EML6: variants seen among roughly 807,000 people sequenced by gnomAD.
EML6 encodes echinoderm microtubule-associated protein-like 6.
In EML6, 154 loss-of-function variants were observed where a neutral mutation model predicts 240.1. The ratio of observed to expected loss-of-function variants is 0.64; its 90% CI spans 0.56 to 0.73. The LOEUF is 0.73. EML6 is among the 30% of genes least tolerant of loss of function. EML6 has a pLI of 0.00. For synonymous variants in EML6, 1,148 were observed against 899.0 expected (o/e 1.28, Z -4.95); for missense variants, 2,964 against 2,474.6 (o/e 1.20, Z -4.20).
intron 2 of EML6, among the ~76,000 whole-genome samples, chr2:54,793,077 C>G (rs1395361540): frequency 6.6e-6 from 1 of 151,976 alleles, no homozygotes; most frequent in Non-Finnish European, 1.5e-5. Context: ...AGACCAGTCT[C>G]GTCAACATCG....
chr2:54,829,151 A>T (rs571613538), intron 6 of EML6, among the ~76,000 whole-genome samples, 191 bp from the exon 7 acceptor site: 23 of 152,258 alleles, frequency 1.5e-4, no homozygotes, highest in African/African-American at 5.1e-4. Context: ...TATTATTATG[A>T]TTTTTTAAAT....
intron 31 of EML6, 131 bp downstream of exon 31, chr2:54,952,823 G>T (rs556925216): frequency 6.2e-6 from 4 of 641,970 alleles, no homozygotes; most frequent in South Asian, 5.5e-5. Context: ...TTGATTTTTT[G>T]AGTCCTGAGT....
rs1411610943 is a variant in EML6 at position 54,725,051 on chromosome 2, G to T, written c.-11G>T. Reference sequence around the variant, plus strand: ...CGCGGGGGGGCGGGGGGCGCGCGGGGTCGGCTTATCATGGCGGATCGGACG... The same window carrying T: ...CGCGGGGGGGCGGGGGGCGCGCGGGTTCGGCTTATCATGGCGGATCGGACG... On this transcript the variant is annotated 5_prime_UTR_variant, in exon 2 of 42. Transcript: ENST00000356458. The surrounding 1 kb of genome is among the most constrained non-coding windows in gnomAD (Gnocchi z 4.3). 6.6e-7 allele frequency: 1 copy of T among 1,503,968 alleles called. No individual in the cohort carries two copies. The highest frequency in any genetic ancestry group is 1.5e-5 in the African/African-American group (1 of 68,570). The allele number at this position is 1,503,968 out of a possible 1,614,324, so 93.2% of individuals were successfully genotyped here.
At chr2:54,911,656 C>T (rs1485850477) in intron 25 of EML6, among the ~76,000 whole-genome samples, 6 of 152,076 alleles carry the variant, frequency 3.9e-5, no homozygotes, top group South Asian at 2.1e-4. Flanking sequence ...AGGCTGGTCT[C>T]GAACTCCTAA....
intron 28 of EML6, among the ~76,000 whole-genome samples, chr2:54,932,724 GC>G (rs148463523): frequency 0.02 from 3,002 of 152,250 alleles, 103 homozygotes; most frequent in African/African-American, 0.066. Flanking sequence ...GAGGTATGGT[GC>G]CCAAATCCTG....
chr2:54,892,853 T>C (rs553508897), intron 19 of EML6, among the ~76,000 whole-genome samples, 197 bp downstream of exon 19: 5 of 152,322 alleles, frequency 3.3e-5, no homozygotes, highest in African/African-American at 1.2e-4. Context: ...GTTGTTTCTT[T>C]ATATGCAACT....
intron 2 of EML6, among the ~76,000 whole-genome samples, chr2:54,730,509 C>G (rs943496557): frequency 6.6e-6 from 1 of 152,184 alleles, no homozygotes; most frequent in African/African-American, 2.4e-5. Context: ...TATATGTCAT[C>G]CTATTGAATT....
At chr2:54,964,242 T>C (rs1464251654) in intron 37 of EML6, 84 bp downstream of exon 37, 54 of 1,398,412 alleles carry the variant, frequency 3.9e-5, no homozygotes, top group Non-Finnish European at 5.1e-5. Flanking sequence ...ACGGCTGGAA[T>C]AAAGAACTCA....
At chr2:54,900,367 C>T (rs1159959813) in intron 22 of EML6, among the ~76,000 whole-genome samples, 9 of 152,090 alleles carry the variant, frequency 5.9e-5, no homozygotes, top group Admixed American at 5.2e-4. Flanking sequence ...AGCAACATAT[C>T]CATTCAAATT....
chr2:54,850,952 T>C (rs553544823), intron 10 of EML6, among the ~76,000 whole-genome samples: 1 of 152,376 alleles, frequency 6.6e-6, no homozygotes, highest in South Asian at 2.1e-4. Flanking sequence ...TGTGGAATGA[T>C]ATATACAGTG....
At chr2:54,789,144 T>C (rs1445000823) in intron 2 of EML6, among the ~76,000 whole-genome samples, 1 of 152,216 alleles carries the variant, frequency 6.6e-6, no homozygotes, top group African/African-American at 2.4e-5. Context: ...TGGAAGATAC[T>C]TGCGTAAACA....
rs1050071728 is a variant in EML6 at position 54,797,181 on chromosome 2, A to C, written c.198-16051A>C. 5.4e-5 allele frequency among the ~76,000 whole-genome samples: 8 copies of C among 147,778 alleles called. 1 individual carries two copies. In the East Asian group the frequency reaches 9.9e-4, roughly 18 times the overall value. On this transcript the variant is annotated intron_variant, in intron 2 of 41. Transcript: ENST00000356458. ...CTCCATCTCAAAAAAAAAAAAAAAA[A>C]AAAAAAAACTGTGATCTTGTAGGTC...
chr2:54,808,678 A>T (rs1346088052), intron 2 of EML6, among the ~76,000 whole-genome samples: 1 of 152,214 alleles, frequency 6.6e-6, no homozygotes. Context: ...TTTTGCCTCA[A>T]GGAATCAAGA....
chr2:54,903,357 A>G lies in EML6; in HGVS notation c.3278-14A>G, dbSNP rs927236203. 7.1e-6 allele frequency: 11 copies of G among 1,549,748 alleles called. No individual in the cohort carries two copies. Among genetic ancestry groups the G allele is most frequent in the East Asian group, 2.4e-5 (1 of 40,906 alleles). On this transcript the variant is annotated splice_polypyrimidine_tract_variant and intron_variant, in intron 23 of 41. Coordinates refer to ENST00000356458, the MANE Select transcript of EML6 (RefSeq NM_001039753.4). ...TAAAATGCTTCGATGTTAACCCCAC[A>G]TTTTTCTTAACAGATACGGGAAAAT... is the stretch of plus-strand genomic sequence containing the variant.
intron 2 of EML6, among the ~76,000 whole-genome samples, chr2:54,734,649 T>C (rs976603227): frequency 1.3e-5 from 2 of 151,998 alleles, no homozygotes; most frequent in Non-Finnish European, 2.9e-5. Flanking sequence ...GTGGCCAAGG[T>C]AGTGGAGGTG....
rs751550342 is a variant in EML6, at chr2:54,960,356, G to A, written c.4968+22G>A. ...AAAAGTGAGCACAGCCAGCTCCCCT[G>A]GGGGCTGGGCCAGGGAAGGGGGAAG... is the stretch of plus-strand genomic sequence containing the variant. On this transcript the variant is annotated intron_variant, in intron 35 of 41. Coordinates refer to ENST00000356458, the MANE Select transcript of EML6 (RefSeq NM_001039753.4). 2.6e-6 allele frequency: 4 copies of A among 1,528,232 alleles called. No homozygotes were observed. In the South Asian group the frequency reaches 4.8e-5, roughly 18 times the overall value. The allele number at this position is 1,528,232 out of a possible 1,614,324, so 94.7% of individuals were successfully genotyped here. A position where few individuals can be genotyped will look rare whatever the true frequency, so the allele number is the denominator to read the frequency against.
At chr2:54,930,351 T>G (rs1674786452) in intron 28 of EML6, among the ~76,000 whole-genome samples, 1 of 152,202 alleles carries the variant, frequency 6.6e-6, no homozygotes, top group South Asian at 2.1e-4. Flanking sequence ...GGCAAATCTG[T>G]CAACATTTCG....
At chr2:54,753,962 C>T (rs767987100) in intron 2 of EML6, among the ~76,000 whole-genome samples, 4 of 151,876 alleles carry the variant, frequency 2.6e-5, no homozygotes, top group Non-Finnish European at 5.9e-5. Context: ...TGGTGACTCC[C>T]TGTCTCTACT....
chr2:54,834,667 G>C (rs559987774), intron 7 of EML6, among the ~76,000 whole-genome samples: 1 of 152,120 alleles, frequency 6.6e-6, no homozygotes, highest in African/African-American at 2.4e-5. Flanking sequence ...TTGAGTTGTT[G>C]CTGTGTCTAA....
Sources: allele counts gnomAD v4.1 joint callset (sites outside exome capture counted in the v4.1 genomes callset), GRCh38; gene constraint gnomAD v4.1.1; non-coding constraint Gnocchi (gnomAD v3.1); transcripts MANE v1.5; gene names NCBI Gene and HGNC (gene_info 2026-07-23, HGNC 2026-07-21).